Variants in EARS2 observed in about 807,000 individuals in gnomAD.
EARS2 encodes the protein nondiscriminating glutamyl-tRNA synthetase EARS2, mitochondrial.
EARS2 carries 50 observed loss-of-function variants against 54.1 expected under a neutral mutation model. That is an observed-to-expected ratio of 0.92 (90% CI 0.74 to 1.17). The LOEUF (loss-of-function observed/expected upper bound fraction) is 1.17, where lower values mean the gene tolerates loss of function less well. EARS2 is among the 50% of genes most tolerant of loss of function. The pLI, the probability that EARS2 is intolerant of heterozygous loss-of-function variation, is 0.00. For missense variants in EARS2, 673 were observed against 675.0 expected (o/e 1.00, Z 0.03); for synonymous variants, 298 against 281.0 (o/e 1.06, Z -0.61).
chr16:23,554,305 C>T (rs1196315079), intron 1 of EARS2, among the ~76,000 whole-genome samples: 2 of 152,144 alleles, frequency 1.3e-5, no homozygotes, highest in Non-Finnish European at 2.9e-5. Context: ...CTGGCATGAG[C>T]CACCATGCCT....
intron 3 of EARS2, among the ~76,000 whole-genome samples, chr16:23,540,951 A>T (rs1965501805): frequency 6.6e-6 from 1 of 152,140 alleles, no homozygotes; most frequent in South Asian, 2.1e-4. Context: ...AGATCACACC[A>T]CTGCACACCA....
Position 23,529,934 on chromosome 16 carries a change from A to T in EARS2, c.1068-37T>A, listed in dbSNP as rs757436975. The T allele has an allele frequency of 4.4e-6, 7 of 1,605,174 alleles. No homozygotes were observed. The East Asian group carries it at 1.6e-4, about 36-fold the overall frequency. The stretch of plus-strand genomic sequence containing the variant: ...ATCAAGGGGCTGCCCTGCTGTCAAC[A>T]CCCCAACCCACCCAAACCGTCTCTC... On this transcript the variant is annotated intron_variant, in intron 5 of 8. Transcript: ENST00000449606.
rs1003941297 is a variant in EARS2, at chr16:23,521,558, C to G, written c.*2813G>C. Among the ~76,000 whole-genome samples the G allele has an allele frequency of 6.6e-6, 1 of 152,042 alleles. No homozygotes were observed. Among genetic ancestry groups the G allele is most frequent in the African/African-American group, 2.4e-5 (1 of 41,388 alleles). On this transcript the variant is annotated 3_prime_UTR_variant, in exon 9 of 9. Coordinates refer to ENST00000449606, the MANE Select transcript of EARS2 (RefSeq NM_001083614.2). ...GGACTACAGGCATATGTCACCTCACCTGGCTAATTTTTAAATTTTTTGTAG... is the reference window on the plus strand; with the variant it reads ...GGACTACAGGCATATGTCACCTCACGTGGCTAATTTTTAAATTTTTTGTAG...
chr16:23,524,314 C>T lies in EARS2; in HGVS notation c.*57G>A. The T allele has an allele frequency of 1.3e-6, 2 of 1,498,718 alleles. No individual in the cohort carries two copies. The highest frequency in any genetic ancestry group is 1.9e-6 in the Non-Finnish European group (2 of 1,075,658). 92.8% of individuals were successfully genotyped at this position (1,498,718 alleles called of 1,614,324 possible). A position where few individuals can be genotyped will look rare whatever the true frequency, so the allele number is the denominator to read the frequency against. ...CAGGCCTCCTTCTGGTCTCTGAAAG[C>T]TGTTTCTAAGCTCACAGGTTCTTAG... is the stretch of plus-strand genomic sequence containing the variant. On this transcript the variant is annotated 3_prime_UTR_variant, in exon 9 of 9. Transcript: ENST00000449606.
chr16:23,554,878 T>C (rs1208321542), intron 1 of EARS2, among the ~76,000 whole-genome samples: 1 of 152,228 alleles, frequency 6.6e-6, no homozygotes, highest in Non-Finnish European at 1.5e-5. Flanking sequence ...ACCTTCTTTA[T>C]TATAGGGTTG....
chr16:23,529,681 G>A (rs371357708), intron 6 of EARS2, 49 bp from the exon 7 acceptor site: 27 of 1,612,752 alleles, frequency 1.7e-5, no homozygotes, highest in Non-Finnish European at 2.1e-5. Context: ...GGCTCTGGAA[G>A]GCAGGAGGAA....
intron 5 of EARS2, among the ~76,000 whole-genome samples, chr16:23,530,708 A>G (rs982054661): frequency 3.3e-5 from 5 of 152,150 alleles, no homozygotes; most frequent in Non-Finnish European, 7.3e-5. Context: ...CTCTACAAAA[A>G]AAATTTAAAG....
intron 3 of EARS2, among the ~76,000 whole-genome samples, chr16:23,542,321 T>TTC (rs1555503923): frequency 9.7e-5 from 12 of 123,140 alleles, no homozygotes; most frequent in Admixed American, 3.9e-4. Context: ...TTTTTCTTTT[T>TTC]TTTTTTTTTT....
chr16:23,528,711 G>T (rs1368683512), intron 7 of EARS2, among the ~76,000 whole-genome samples: 1 of 152,206 alleles, frequency 6.6e-6, no homozygotes, highest in Non-Finnish European at 1.5e-5. Context: ...GACCAGCCTG[G>T]GCAACATGGC....
chr16:23,552,120 C>A, intron 2 of EARS2, 29 bp downstream of exon 2: 2 of 1,605,170 alleles, frequency 1.2e-6, no homozygotes, highest in East Asian at 2.2e-5. Context: ...TCCTTCCCTG[C>A]AGAAAGATCC....
chr16:23,553,106 C>A, intron 1 of EARS2: 1 of 316,658 alleles, frequency 3.2e-6, no homozygotes, highest in Non-Finnish European at 6.6e-6. Context: ...CCAGCCTGGG[C>A]AGCAGTAGAG....
chr16:23,538,458 C>T (rs548584719), intron 3 of EARS2, among the ~76,000 whole-genome samples: 7 of 152,014 alleles, frequency 4.6e-5, no homozygotes, highest in Admixed American at 2.0e-4. Flanking sequence ...ATTAATCTGT[C>T]TTTTTACATT....
At position 23,535,288 on chromosome 16, in the gene EARS2, C is replaced by T. The variant is rs374363396; in HGVS notation, c.558G>A (p.Ala186=). The T allele has an allele frequency of 1.0e-4, 160 of 1,606,638 alleles. No homozygotes were observed. In the Middle Eastern group the frequency reaches 1.6e-3, roughly 16 times the overall value. ...AQKLAKDPKP[A]IRFRLEQVVP... is the part of the protein sequence containing the mutation. ...CCACCTGCTCCAGGCGGAAGCGGAT[C>T]GCAGGCTTGGGGTCCTTGGCCAGCT... Residue 186 remains alanine (A), a synonymous_variant, in exon 4 of 9, where the codon GCG becomes GCA. Transcript: ENST00000449606.
intron 3 of EARS2, among the ~76,000 whole-genome samples, chr16:23,540,994 AAAAT>A (rs1429309650): frequency 1.3e-5 from 2 of 151,656 alleles, no homozygotes; most frequent in African/African-American, 2.4e-5. Context: ...CCGTCTCCAA[AAAAT>A]AAATAAATAA....
At chr16:23,546,886 C>A (rs897957207) in intron 2 of EARS2, among the ~76,000 whole-genome samples, 1 of 152,220 alleles carries the variant, frequency 6.6e-6, no homozygotes, top group Non-Finnish European at 1.5e-5. Flanking sequence ...ACTTGGCTCC[C>A]TCTCATGGGA....
intron 2 of EARS2, among the ~76,000 whole-genome samples, chr16:23,547,654 G>A (rs540243695): frequency 5.8e-4 from 89 of 152,158 alleles, no homozygotes; most frequent in African/African-American, 2.1e-3. Context: ...ACAAGCATGT[G>A]CCACCACGCC....
At chr16:23,540,664 G>A (rs1230617549) in intron 3 of EARS2, among the ~76,000 whole-genome samples, 2 of 152,172 alleles carry the variant, frequency 1.3e-5, no homozygotes, top group African/African-American at 2.4e-5. Flanking sequence ...TGGGCTGAGC[G>A]CAGTGGCTCA....
In EARS2 at chr16:23,535,222, A is replaced by G; in HGVS notation, c.624T>C (p.His208=). ...FQDLVYGWNR[H]EVASVEGDPV... is the part of the protein sequence containing the mutation. ...GGTCTCCCTCCACGCTGGCCACTTCATGCCTATTCCAGCCATAGACCAGGT... is the reference window on the plus strand; with the variant it reads ...GGTCTCCCTCCACGCTGGCCACTTCGTGCCTATTCCAGCCATAGACCAGGT... The change falls in exon 4 of 9, where the codon CAT becomes CAC. Residue 208 remains histidine (H), a synonymous_variant. Coordinates refer to ENST00000449606, the MANE Select transcript of EARS2 (RefSeq NM_001083614.2). The G allele has an allele frequency of 6.2e-7, 1 of 1,613,560 alleles. No homozygotes were observed. The highest frequency in any genetic ancestry group is 1.1e-5 in the South Asian group (1 of 91,060).
chr16:23,546,542 C>G, intron 2 of EARS2: 2 of 425,362 alleles, frequency 4.7e-6, no homozygotes, highest in Admixed American at 5.3e-5. Context: ...CCGGTGCTCT[C>G]TATGCTTTGG....
Sources: allele counts gnomAD v4.1 joint callset (sites outside exome capture counted in the v4.1 genomes callset), GRCh38; gene constraint gnomAD v4.1.1; transcripts MANE v1.5; gene names NCBI Gene and HGNC (gene_info 2026-07-23, HGNC 2026-07-21).